MAGI2: variants seen among roughly 807,000 people sequenced by gnomAD.
MAGI2 encodes membrane associated guanylate kinase, WW and PDZ domain containing 2.
A neutral mutation model predicts 133.3 loss-of-function variants in MAGI2; 35 were observed. That is an observed-to-expected ratio of 0.26 (90% CI 0.20 to 0.35). The LOEUF is 0.35. Among genes scored for constraint, MAGI2 ranks in the 10% least tolerant of loss-of-function variants. MAGI2 has a pLI of 1.00. For synonymous variants in MAGI2, 729 were observed against 710.6 expected (o/e 1.03, Z -0.41); for missense variants, 1,636 against 1,863.4 (o/e 0.88, Z 2.25).
chr7:79,380,146 T>C (rs1843678811), intron 1 of MAGI2, among the ~76,000 whole-genome samples: 2 of 151,712 alleles, frequency 1.3e-5, no homozygotes, highest in Non-Finnish European at 2.9e-5. Flanking sequence ...AATTGACAAA[T>C]GGGATCTAAT....
At chr7:78,771,907 C>T (rs1284064245) in intron 2 of MAGI2, among the ~76,000 whole-genome samples, 1 of 152,158 alleles carries the variant, frequency 6.6e-6, no homozygotes, top group South Asian at 2.1e-4. Context: ...TTTCCCTTCT[C>T]TGTTTCAGTG....
At chr7:79,161,495 T>C (rs1824354179) in intron 1 of MAGI2, among the ~76,000 whole-genome samples, 3 of 152,042 alleles carry the variant, frequency 2.0e-5, no homozygotes, top group African/African-American at 7.2e-5. Context: ...CCTATGCTAA[T>C]GGAAATAATA....
intron 2 of MAGI2, among the ~76,000 whole-genome samples, chr7:78,846,413 T>C (rs369011138): frequency 1.3e-5 from 2 of 151,966 alleles, no homozygotes; most frequent in African/African-American, 4.8e-5. Flanking sequence ...ATGAGAAATA[T>C]AGAATGCAAA....
intron 1 of MAGI2, among the ~76,000 whole-genome samples, chr7:79,098,226 C>T (rs2215545): frequency 0.75 from 113,772 of 152,078 alleles, 43,747 homozygotes; most frequent in Non-Finnish European, 0.84. Flanking sequence ...TTGGACCACA[C>T]GTTGGGAGGA....
chr7:78,760,872 A>G (rs1444822788), intron 2 of MAGI2, among the ~76,000 whole-genome samples: 1 of 152,214 alleles, frequency 6.6e-6, no homozygotes, highest in African/African-American at 2.4e-5. Context: ...AAAAGATTAT[A>G]TTGGAAAAAC....
chr7:78,573,241 T>TAA (rs1446896021), intron 3 of MAGI2, among the ~76,000 whole-genome samples: 10 of 51,308 alleles, frequency 1.9e-4, no homozygotes, highest in African/African-American at 6.1e-4. Flanking sequence ...TAAATATATA[T>TAA]ATATAAATAT....
chr7:79,439,758 A>C (rs1337706038), intron 1 of MAGI2, among the ~76,000 whole-genome samples: 1 of 152,118 alleles, frequency 6.6e-6, no homozygotes, highest in Admixed American at 6.6e-5. Context: ...TTTATGACAC[A>C]AAAAGAGAAA....
intron 1 of MAGI2, among the ~76,000 whole-genome samples, chr7:79,390,125 G>A (rs150961563): frequency 6.6e-6 from 1 of 152,248 alleles, no homozygotes; most frequent in Admixed American, 6.5e-5. Flanking sequence ...AAATAAATTA[G>A]GAGTTTCCCA....
At chr7:79,131,995 T>C (rs1170955258) in intron 1 of MAGI2, among the ~76,000 whole-genome samples, 1 of 152,136 alleles carries the variant, frequency 6.6e-6, no homozygotes, top group East Asian at 1.9e-4. Context: ...CTAGCTTTTA[T>C]AAAACATTTT....
intron 1 of MAGI2, among the ~76,000 whole-genome samples, chr7:79,322,779 C>CAA (rs57276019): frequency 2.9e-5 from 4 of 136,384 alleles, no homozygotes; most frequent in African/African-American, 1.1e-4. Context: ...GAGACTGTCT[C>CAA]AAAAAAAAAA....
chr7:79,220,170 G>C (rs1830333853), intron 1 of MAGI2, among the ~76,000 whole-genome samples: 1 of 151,946 alleles, frequency 6.6e-6, no homozygotes, highest in African/African-American at 2.4e-5. Flanking sequence ...AACTACATTT[G>C]TGTCCTTTTC....
At chr7:78,857,237 T>C (rs538000162) in intron 2 of MAGI2, among the ~76,000 whole-genome samples, 3,858 of 151,912 alleles carry the variant, frequency 0.025, 64 homozygotes, top group Middle Eastern at 0.045. Context: ...AATTGAATGC[T>C]ATTTATTTCT....
chr7:78,950,426 A>G (rs188129737), intron 2 of MAGI2, among the ~76,000 whole-genome samples: 75 of 152,290 alleles, frequency 4.9e-4, no homozygotes, highest in African/African-American at 1.7e-3. Flanking sequence ...AAAAACATTA[A>G]GACACTGATG....
intron 1 of MAGI2, among the ~76,000 whole-genome samples, chr7:79,151,044 G>T (rs570208459): frequency 6.6e-6 from 1 of 151,846 alleles, no homozygotes; most frequent in Admixed American, 6.6e-5. Flanking sequence ...AGATGACCAG[G>T]CAGACTTTTT....
intron 3 of MAGI2, among the ~76,000 whole-genome samples, chr7:78,588,217 A>G (rs1372699667): frequency 3.3e-5 from 5 of 152,182 alleles, no homozygotes; most frequent in African/African-American, 1.2e-4. Flanking sequence ...TTATGTGACA[A>G]TTAACTGGAG....
In MAGI2 at chr7:79,378,524, GT is replaced by G. The variant is rs772112496; in HGVS notation, c.301+74495del. ...ATACATGATTTCATTGTCTGGCAGGGTTTTTTTTTAATGGAAGAATCATTTT... is the reference window on the plus strand; with the variant it reads ...ATACATGATTTCATTGTCTGGCAGGGTTTTTTTTAATGGAAGAATCATTTT... On this transcript the variant is annotated intron_variant, in intron 1 of 21. Coordinates refer to ENST00000354212, the MANE Select transcript of MAGI2 (RefSeq NM_012301.4). Among the ~76,000 whole-genome samples the G allele has an allele frequency of 1.3e-4, 19 of 150,016 alleles. No individual in the cohort carries two copies. The East Asian group carries it at 3.0e-3, about 23-fold the overall frequency.
intron 1 of MAGI2, among the ~76,000 whole-genome samples, chr7:79,013,497 A>G (rs930248779): frequency 1.3e-5 from 2 of 152,170 alleles, no homozygotes; most frequent in African/African-American, 4.8e-5. Flanking sequence ...AATAGACAGG[A>G]AAGTATTATA....
At chr7:78,668,040 C>G (rs1217200528) in intron 2 of MAGI2, among the ~76,000 whole-genome samples, 2 of 152,134 alleles carry the variant, frequency 1.3e-5, no homozygotes, top group Non-Finnish European at 2.9e-5. Context: ...CTCCCCACAT[C>G]CTCTCCAGCA....
At chr7:79,020,207 C>T (rs537027429) in intron 1 of MAGI2, among the ~76,000 whole-genome samples, 3 of 152,210 alleles carry the variant, frequency 2.0e-5, no homozygotes, top group East Asian at 1.9e-4. Flanking sequence ...ACCTTAGAGA[C>T]GTGTGGAACT....
Sources: allele counts gnomAD v4.1 joint callset (sites outside exome capture counted in the v4.1 genomes callset), GRCh38; gene constraint gnomAD v4.1.1; transcripts MANE v1.5; gene names NCBI Gene and HGNC (gene_info 2026-07-23, HGNC 2026-07-21).